ITGBL1: variants seen among roughly 807,000 people sequenced by gnomAD.
ITGBL1 encodes integrin subunit beta like 1, also known as integrin beta-like protein 1.
ITGBL1 carries 51 observed loss-of-function variants against 68.5 expected under a neutral mutation model. That is an observed-to-expected ratio of 0.74 (90% CI 0.59 to 0.94). The LOEUF is 0.94. Ranked by LOEUF, ITGBL1 falls within the 40% of genes least tolerant of loss-of-function variation. The pLI, the probability that ITGBL1 is intolerant of heterozygous loss-of-function variation, is 0.00. For missense variants in ITGBL1, 649 were observed against 647.4 expected (o/e 1.00, Z -0.03); for synonymous variants, 209 against 227.3 (o/e 0.92, Z 0.72).
At chr13:101,562,010 A>ATG (rs1205902659) in intron 2 of ITGBL1, among the ~76,000 whole-genome samples, 1 of 152,240 alleles carries the variant, frequency 6.6e-6, no homozygotes, top group South Asian at 2.1e-4. Flanking sequence ...TCTATAGGAA[A>ATG]TGTGTGTGTG....
At chr13:101,586,111 C>T (rs373904473) in intron 6 of ITGBL1, among the ~76,000 whole-genome samples, 2 of 152,164 alleles carry the variant, frequency 1.3e-5, no homozygotes, top group South Asian at 2.1e-4. Context: ...GGAGTGCTTA[C>T]TCTAGGCTGA....
chr13:101,530,942 A>G (rs1337318639), intron 2 of ITGBL1, among the ~76,000 whole-genome samples: 1 of 152,186 alleles, frequency 6.6e-6, no homozygotes, highest in African/African-American at 2.4e-5. Flanking sequence ...CATCTTAAAA[A>G]ATCACTAAGA....
intron 7 of ITGBL1, among the ~76,000 whole-genome samples, chr13:101,620,006 A>G (rs1982142): frequency 0.69 from 105,483 of 151,996 alleles, 36,861 homozygotes; most frequent in Middle Eastern, 0.8. Flanking sequence ...ATCTTGGTAT[A>G]TTGTTTTTAA....
intron 8 of ITGBL1, among the ~76,000 whole-genome samples, chr13:101,693,979 C>T (rs1176129518): frequency 6.6e-6 from 1 of 152,112 alleles, no homozygotes; most frequent in Non-Finnish European, 1.5e-5. Flanking sequence ...TTATCTTATG[C>T]CATTGTCATG....
intron 7 of ITGBL1, among the ~76,000 whole-genome samples, chr13:101,604,887 T>TACACACACAC (rs1555361670): frequency 0.1 from 2,262 of 22,082 alleles, 343 homozygotes; most frequent in Non-Finnish European, 0.12. Context: ...TATATATATA[T>TACACACACAC]ACACACACAC....
chr13:101,545,201 A>G (rs1031471388), intron 2 of ITGBL1, among the ~76,000 whole-genome samples: 4 of 152,228 alleles, frequency 2.6e-5, no homozygotes, highest in African/African-American at 7.2e-5. Flanking sequence ...CCCCACCCCT[A>G]TGCTGTGCTG....
In ITGBL1 at chr13:101,524,572, TTTAA is replaced by T. The variant is rs143936017; in HGVS notation, c.317-43122_317-43119del. Among the ~76,000 whole-genome samples, 501 of 152,044 alleles carry T rather than the reference TTTAA, an allele frequency of 3.3e-3. 4 individuals are homozygous for T. The highest frequency in any genetic ancestry group is 0.011 in the African/African-American group (453 of 41,416). On this transcript the variant is annotated intron_variant, in intron 2 of 10. Transcript: ENST00000376180. ...AATTTTGCATTTGTTTGTGTAATTA[TTTAA>T]TTAACATCTGTTTCTCCTACTGTAG...
chr13:101,688,601 G>A (rs2033810004), intron 7 of ITGBL1, among the ~76,000 whole-genome samples: 1 of 152,132 alleles, frequency 6.6e-6, no homozygotes, highest in African/African-American at 2.4e-5. Flanking sequence ...TTTGTGCAAA[G>A]GAATTACACA....
chr13:101,681,197 G>A (rs1019134721), intron 7 of ITGBL1, among the ~76,000 whole-genome samples: 2 of 152,062 alleles, frequency 1.3e-5, no homozygotes, highest in African/African-American at 4.8e-5. Context: ...CTCTATGTGG[G>A]GTAGTTAGAA....
chr13:101,484,048 G>A (rs898329727), intron 2 of ITGBL1, among the ~76,000 whole-genome samples: 2 of 151,580 alleles, frequency 1.3e-5, no homozygotes, highest in Non-Finnish European at 2.9e-5. Context: ...TTTTGTAGAC[G>A]GCATATTTGG....
chr13:101,630,123 T>C (rs1341922330), intron 7 of ITGBL1, among the ~76,000 whole-genome samples: 1 of 152,164 alleles, frequency 6.6e-6, no homozygotes, highest in Non-Finnish European at 1.5e-5. Flanking sequence ...CGCCTGGCCT[T>C]ATTTATTTTT....
intron 3 of ITGBL1, among the ~76,000 whole-genome samples, chr13:101,571,818 C>A (rs1310413793): frequency 6.6e-6 from 1 of 152,164 alleles, no homozygotes; most frequent in Non-Finnish European, 1.5e-5. Flanking sequence ...CACTCCAAAT[C>A]AGTTCATAGA....
At chr13:101,591,123 G>A (rs1313379264) in intron 6 of ITGBL1, among the ~76,000 whole-genome samples, 1 of 152,088 alleles carries the variant, frequency 6.6e-6, no homozygotes, top group Non-Finnish European at 1.5e-5. Flanking sequence ...GGCTGGTCTT[G>A]AACTCCTGAA....
intron 7 of ITGBL1, among the ~76,000 whole-genome samples, chr13:101,663,009 T>G (rs2139482574): frequency 6.6e-6 from 1 of 152,244 alleles, no homozygotes; most frequent in Non-Finnish European, 1.5e-5. Context: ...TATACTTAAC[T>G]ACTAGTGAAT....
chr13:101,659,797 A>G (rs1212876523), intron 7 of ITGBL1, among the ~76,000 whole-genome samples: 1 of 152,152 alleles, frequency 6.6e-6, no homozygotes, highest in East Asian at 1.9e-4. Flanking sequence ...GTATCTGTTC[A>G]TATGTAAGTA....
At chr13:101,605,154 G>C (rs2030687008) in intron 7 of ITGBL1, among the ~76,000 whole-genome samples, 2 of 79,180 alleles carry the variant, frequency 2.5e-5, no homozygotes, top group Admixed American at 1.4e-4. Context: ...ATACATATGT[G>C]TGTGTATATG....
At chr13:101,491,573 T>G (rs918299061) in intron 2 of ITGBL1, among the ~76,000 whole-genome samples, 1 of 152,222 alleles carries the variant, frequency 6.6e-6, no homozygotes, top group Non-Finnish European at 1.5e-5. Context: ...TTAAGTGGAT[T>G]TGTAAGATGA....
chr13:101,541,595 T>G (rs1037091634), intron 2 of ITGBL1, among the ~76,000 whole-genome samples: 13 of 152,180 alleles, frequency 8.5e-5, no homozygotes, highest in Admixed American at 8.5e-4. Flanking sequence ...GATTCCCTCT[T>G]TTTCTGTTGA....
At chr13:101,457,031 A>T (rs1236833967) in intron 2 of ITGBL1, among the ~76,000 whole-genome samples, 1 of 152,334 alleles carries the variant, frequency 6.6e-6, no homozygotes, top group South Asian at 2.1e-4. Context: ...TGATTTCTTC[A>T]TCTGTAAAAT....
Sources: allele counts gnomAD v4.1 joint callset (sites outside exome capture counted in the v4.1 genomes callset), GRCh38; gene constraint gnomAD v4.1.1; transcripts MANE v1.5; gene names NCBI Gene and HGNC (gene_info 2026-07-23, HGNC 2026-07-21).